The following CSNK1D variants were observed in gnomAD, a reference collection of about 807,000 sequenced individuals.
CSNK1D encodes casein kinase I isoform delta.
In CSNK1D, 16 loss-of-function variants were observed where a neutral mutation model predicts 46.6. The observed-to-expected ratio is 0.34, with a 90% confidence interval of 0.23 to 0.52. The LOEUF is 0.52. Among genes scored for constraint, CSNK1D ranks in the 20% least tolerant of loss-of-function variants. CSNK1D has a pLI of 0.95. For synonymous variants in CSNK1D, 276 were observed against 228.2 expected (o/e 1.21, Z -1.89); for missense variants, 398 against 578.4 (o/e 0.69, Z 3.20).
intron 1 of CSNK1D, among the ~76,000 whole-genome samples, chr17:82,268,317 G>A (rs377164143): frequency 1.3e-5 from 2 of 152,170 alleles, no homozygotes; most frequent in Admixed American, 6.5e-5. Flanking sequence ...GTCCCACCTC[G>A]CCCACCGGGG....
chr17:82,266,297 G>A (rs1192690184), intron 1 of CSNK1D, among the ~76,000 whole-genome samples: 2 of 152,252 alleles, frequency 1.3e-5, no homozygotes, highest in Non-Finnish European at 2.9e-5. Flanking sequence ...ATCACAGGCA[G>A]CGGGAGTCAT....
chr17:82,245,010 G>T, intron 8 of CSNK1D, 179 bp from the exon 9 acceptor site: 2 of 750,498 alleles, frequency 2.7e-6, no homozygotes, highest in Non-Finnish European at 4.5e-6. Flanking sequence ...GTGCTCAGCA[G>T]AACGAGTGAC....
Position 82,250,500 on chromosome 17 carries a change from C to T in CSNK1D, c.885+879G>A, listed in dbSNP as rs939527710. On this transcript the variant is annotated intron_variant, in intron 6 of 8. Transcript: ENST00000314028. This position sits in a 1 kb window ranked among gnomAD's most constrained non-coding sequence, Gnocchi z 4.6. The stretch of plus-strand genomic sequence containing the variant: ...CGGCAGAGGGACTGATCTGCCCTGC[C>T]GAGTGCACCCCTCCCGGCACCTGGG... 9.4e-5 allele frequency: 26 copies of T among 276,146 alleles called. No individual in the cohort carries two copies. The highest frequency in any genetic ancestry group is 5.2e-4 in the Admixed American group (11 of 21,326). The allele number at this position is 276,146 out of a possible 1,614,324, so 17.1% of individuals were successfully genotyped here. A position where few individuals can be genotyped will look rare whatever the true frequency, so the allele number is the denominator to read the frequency against.
chr17:82,242,092 G>A (rs1177385710), downstream of CSNK1D, among the ~76,000 whole-genome samples: 2 of 152,044 alleles, frequency 1.3e-5, no homozygotes, highest in Non-Finnish European at 2.9e-5. Flanking sequence ...GAGGGGAGGC[G>A]GCCTAGCCTG....
At chr17:82,265,842 C>A in intron 1 of CSNK1D, 46 bp from the exon 2 acceptor site, 3 of 1,424,162 alleles carry the variant, frequency 2.1e-6, no homozygotes, top group South Asian at 2.3e-5. Context: ...TGGTATCCAC[C>A]AAATAACCCA....
rs2147159705 is a variant in CSNK1D, at chr17:82,248,505, C to T, written c.1197+370G>A. ...CAAGAATGAGGAAGAATGAGGAAGG[C>T]TCCCTCGGGCTGGGGGCACCCACAA... is the stretch of plus-strand genomic sequence containing the variant. On this transcript the variant is annotated intron_variant, in intron 8 of 8. Coordinates refer to ENST00000314028, the MANE Select transcript of CSNK1D (RefSeq NM_001893.6). The surrounding 1 kb of genome is among the most constrained non-coding windows in gnomAD (Gnocchi z 4.1). 9.0e-7 allele frequency: 1 copy of T among 1,107,162 alleles called. No homozygotes were observed. The highest frequency in any genetic ancestry group is 1.1e-6 in the Non-Finnish European group (1 of 901,382). 68.6% of individuals were successfully genotyped at this position (1,107,162 alleles called of 1,614,324 possible).
Position 82,243,781 on chromosome 17 carries a change from A to G in CSNK1D, c.*1000T>C, listed in dbSNP as rs1161099758. On this transcript the variant is annotated 3_prime_UTR_variant, in exon 9 of 9. Coordinates refer to ENST00000314028, the MANE Select transcript of CSNK1D (RefSeq NM_001893.6). ...GCACAGGAGCATTGAGTGCTGAGAA[A>G]ATGGACTGAGTGCAAAGGCAGCAAG... is the stretch of plus-strand genomic sequence containing the variant. 5 of 985,308 alleles carry G rather than the reference A, an allele frequency of 5.1e-6. No individual in the cohort carries two copies. The highest frequency in any genetic ancestry group is 6.0e-6 in the Non-Finnish European group (5 of 829,960). The allele number at this position is 985,308 out of a possible 1,614,324, so 61.0% of individuals were successfully genotyped here.
intron 2 of CSNK1D, among the ~76,000 whole-genome samples, chr17:82,257,776 A>G (rs2051211458): frequency 6.6e-6 from 1 of 152,280 alleles, no homozygotes; most frequent in Admixed American, 6.5e-5. Flanking sequence ...GGAAGAGCAC[A>G]GCATGCGTGA....
At chr17:82,262,907 C>G (rs996327556) in intron 2 of CSNK1D, among the ~76,000 whole-genome samples, 1 of 152,228 alleles carries the variant, frequency 6.6e-6, no homozygotes, top group Non-Finnish European at 1.5e-5. Context: ...CTGACGGGCG[C>G]GATGGCTCAC....
chr17:82,245,098 TGGAGCGGAGACG>T, intron 8 of CSNK1D: 1 of 596,108 alleles, frequency 1.7e-6, no homozygotes, highest in East Asian at 2.8e-5. Context: ...AGGATCCGAG[TGGAGCGGAGACG>T]GGTGCTCCTG....
downstream of CSNK1D, among the ~76,000 whole-genome samples, chr17:82,242,301 G>A (rs1158094935): frequency 2.0e-5 from 3 of 152,180 alleles, no homozygotes; most frequent in South Asian, 2.1e-4. Context: ...AGCGACAGGG[G>A]GATCCCTGAG....
chr17:82,239,058 C>T, downstream of CSNK1D: 1 of 1,379,680 alleles, frequency 7.2e-7, no homozygotes, highest in South Asian at 1.6e-5. Context: ...ACTGGACTGG[C>T]TCAGGCAGGG....
intron 1 of CSNK1D, among the ~76,000 whole-genome samples, chr17:82,270,387 G>C (rs1260950216): frequency 6.6e-6 from 1 of 152,106 alleles, no homozygotes; most frequent in African/African-American, 2.4e-5. Context: ...GTCCCCGGTA[G>C]AAAAACAAGA....
In CSNK1D at chr17:82,244,696, C is replaced by G; in HGVS notation, c.*85G>C. 1 of 1,607,304 alleles carries G rather than the reference C, an allele frequency of 6.2e-7. No individual in the cohort carries two copies. Among genetic ancestry groups the G allele is most frequent in the Non-Finnish European group, 8.5e-7 (1 of 1,178,610 alleles). On this transcript the variant is annotated 3_prime_UTR_variant, in exon 9 of 9. Transcript: ENST00000314028. ...CGGTGTTAACATTTCGATCCTAGAC[C>G]GGGGGACGTGTCACTAGTAAAGCCA...
rs1347264603 is a variant in CSNK1D, at chr17:82,243,039, CTT to C, written c.*1740_*1741del. Reference sequence around the variant, plus strand: ...AGGGGTCCAGCAACAAAGAAAATCTCTTAACTCGGCTCTGACCCACCCCAACC... The same window carrying C: ...AGGGGTCCAGCAACAAAGAAAATCTCAACTCGGCTCTGACCCACCCCAACC... On this transcript the variant is annotated 3_prime_UTR_variant, in exon 9 of 9. Transcript: ENST00000314028. The C allele has an allele frequency of 3.2e-5, 32 of 985,336 alleles. No individual in the cohort carries two copies. The highest frequency in any genetic ancestry group is 3.7e-5 in the Non-Finnish European group (31 of 829,956). The allele number at this position is 985,336 out of a possible 1,614,324, so 61.0% of individuals were successfully genotyped here.
intron 2 of CSNK1D, among the ~76,000 whole-genome samples, chr17:82,264,046 T>C (rs2051405789): frequency 6.6e-6 from 1 of 152,264 alleles, no homozygotes; most frequent in South Asian, 2.1e-4. Context: ...AGATATTTTG[T>C]GTCACATAAA....
chr17:82,243,992 A>G lies in CSNK1D; in HGVS notation c.*789T>C. On this transcript the variant is annotated 3_prime_UTR_variant, in exon 9 of 9. Transcript: ENST00000314028. ...AGCGCGCAGTGCTTTGCCTGGTAACACCCACTGCACCCCTGCCCCGCGGCA... is the reference window on the plus strand; with the variant it reads ...AGCGCGCAGTGCTTTGCCTGGTAACGCCCACTGCACCCCTGCCCCGCGGCA... 1 of 986,392 alleles carries G rather than the reference A, an allele frequency of 1.0e-6. No individual in the cohort carries two copies. The highest frequency in any genetic ancestry group is 1.2e-6 in the Non-Finnish European group (1 of 830,734). 61.1% of individuals were successfully genotyped at this position (986,392 alleles called of 1,614,324 possible).
rs915869321 is a variant in CSNK1D, at chr17:82,243,132, G to A, written c.*1649C>T. ...CCCCGTACTCCAAAACGCTTACACA[G>A]TAACCAGCCTAGGATTGAGAAAGCA... is the stretch of plus-strand genomic sequence containing the variant. On this transcript the variant is annotated 3_prime_UTR_variant, in exon 9 of 9. Transcript: ENST00000314028. 53 of 985,394 alleles carry A rather than the reference G, an allele frequency of 5.4e-5. No homozygotes were observed. The highest frequency in any genetic ancestry group is 6.1e-5 in the Non-Finnish European group (51 of 829,998). 61.0% of individuals were successfully genotyped at this position (985,394 alleles called of 1,614,324 possible).
Position 82,251,827 on chromosome 17 carries a change from GAAAAA to G in CSNK1D, c.737-305_737-301del. On this transcript the variant is annotated intron_variant, in intron 5 of 8. Coordinates refer to ENST00000314028, the MANE Select transcript of CSNK1D (RefSeq NM_001893.6). The surrounding 1 kb of genome is among the most constrained non-coding windows in gnomAD (Gnocchi z 4.5). ...AACACAGTGAAACCCCATCTCTACT[GAAAAA>G]AAAAAAAAAAAAGTTCTAGAGCGTG... 7.5e-6 allele frequency: 2 copies of G among 267,236 alleles called. No individual in the cohort carries two copies. Among genetic ancestry groups the G allele is most frequent in the South Asian group, 3.2e-5 (1 of 31,528 alleles). 16.6% of individuals were successfully genotyped at this position (267,236 alleles called of 1,614,324 possible).
Sources: allele counts gnomAD v4.1 joint callset (sites outside exome capture counted in the v4.1 genomes callset), GRCh38; gene constraint gnomAD v4.1.1; non-coding constraint Gnocchi (gnomAD v3.1); transcripts MANE v1.5; gene names NCBI Gene and HGNC (gene_info 2026-07-23, HGNC 2026-07-21).